EIF2B3: variants seen among roughly 807,000 people sequenced by gnomAD.
The protein encoded by EIF2B3 is eukaryotic translation initiation factor 2B subunit gamma.
EIF2B3 carries 20 observed loss-of-function variants against 54.1 expected under a neutral mutation model. The ratio of observed to expected loss-of-function variants is 0.37; its 90% CI spans 0.26 to 0.54. The LOEUF (loss-of-function observed/expected upper bound fraction) is 0.54, where lower values mean the gene tolerates loss of function less well. Ranked by LOEUF, EIF2B3 falls within the 20% of genes least tolerant of loss-of-function variation. EIF2B3 has a pLI of 0.86. For synonymous variants in EIF2B3, 153 were observed against 188.1 expected, an observed-to-expected ratio of 0.81 and a Z score of 1.52; for missense variants, 448 against 547.8, an observed-to-expected ratio of 0.82 and a Z score of 1.82.
intron 10 of EIF2B3, among the ~76,000 whole-genome samples, chr1:44,860,643 T>C (rs970926325): frequency 3.9e-5 from 6 of 152,200 alleles, no homozygotes; most frequent in Non-Finnish European, 8.8e-5. Flanking sequence ...CATAATGCAA[T>C]ACAAAGAAAT....
At chr1:44,958,769 A>G in intron 3 of EIF2B3, 1 of 1,499,768 alleles carries the variant, frequency 6.7e-7, no homozygotes, top group Non-Finnish European at 9.3e-7. Context: ...CATCAGAGAA[A>G]TATAAAGCTA....
chr1:44,879,765 C>A (rs1207319022), intron 8 of EIF2B3, 53 bp downstream of exon 8: 1 of 1,576,846 alleles, frequency 6.3e-7, no homozygotes, highest in Non-Finnish European at 8.7e-7. Context: ...AGACAAGTGG[C>A]TCAGTCTGTT....
Position 44,977,344 on chromosome 1 carries a change from CT to C in EIF2B3, c.294+970del, listed in dbSNP as rs562371944. Among the ~76,000 whole-genome samples the C allele has an allele frequency of 4.0e-3, 616 of 152,292 alleles. 5 individuals are homozygous for C. The highest frequency in any genetic ancestry group is 0.014 in the African/African-American group (587 of 41,556). The stretch of plus-strand genomic sequence containing the variant: ...GAGGTCTATGAATTTTTGAACGTTC[CT>C]TTGTACTTCTTTCTAGTCAATCCTC... On this transcript the variant is annotated intron_variant, in intron 3 of 11. Transcript: ENST00000360403.
intron 2 of EIF2B3, among the ~76,000 whole-genome samples, chr1:44,980,389 G>A (rs370857357): frequency 6.6e-6 from 1 of 152,018 alleles, no homozygotes; most frequent in East Asian, 1.9e-4. Context: ...ACTTGAACCC[G>A]GGAGAGGTTG....
intron 5 of EIF2B3, among the ~76,000 whole-genome samples, chr1:44,921,844 T>C (rs1464832904): frequency 1.3e-5 from 2 of 151,986 alleles, no homozygotes; most frequent in African/African-American, 2.4e-5. Context: ...TTGTTCTTTT[T>C]GCTTAGGATA....
At chr1:44,963,198 G>A (rs1173217631) in intron 3 of EIF2B3, among the ~76,000 whole-genome samples, 2 of 151,468 alleles carry the variant, frequency 1.3e-5, no homozygotes, top group Non-Finnish European at 2.9e-5. Context: ...CTGGGCAAGA[G>A]TGAGATCTGG....
intron 6 of EIF2B3, among the ~76,000 whole-genome samples, chr1:44,883,557 G>A (rs263956): frequency 6.6e-6 from 1 of 151,930 alleles, no homozygotes; most frequent in Non-Finnish European, 1.5e-5. Flanking sequence ...CAGAGGACTG[G>A]TTTCCACACC....
At chr1:44,890,032 C>T (rs146275864) in intron 6 of EIF2B3, among the ~76,000 whole-genome samples, 3,267 of 152,268 alleles carry the variant, frequency 0.021, 52 homozygotes, top group Non-Finnish European at 0.035. Flanking sequence ...TCAGGGAATA[C>T]GTGGCTCTTT....
At chr1:44,886,301 G>A (rs192110626) in intron 6 of EIF2B3, among the ~76,000 whole-genome samples, 23 of 151,116 alleles carry the variant, frequency 1.5e-4, no homozygotes, top group Admixed American at 9.9e-4. Flanking sequence ...GGCTGGTCTC[G>A]AACTCCTGAC....
intron 3 of EIF2B3, among the ~76,000 whole-genome samples, chr1:44,942,386 T>TACAC (rs1438881715): frequency 0.019 from 210 of 11,086 alleles, 24 homozygotes; most frequent in African/African-American, 0.097. Context: ...TTTATATATA[T>TACAC]ATATATATAT....
chr1:44,972,840 T>C (rs928189632), intron 3 of EIF2B3, among the ~76,000 whole-genome samples: 1 of 152,034 alleles, frequency 6.6e-6, no homozygotes, highest in African/African-American at 2.4e-5. Context: ...CTAATTTTTG[T>C]ATTTTGGGGG....
At chr1:44,898,596 TA>T (rs372079958) in intron 5 of EIF2B3, among the ~76,000 whole-genome samples, 4,808 of 145,590 alleles carry the variant, frequency 0.033, 116 homozygotes, top group Non-Finnish European at 0.042. Context: ...GGAGTATGGT[TA>T]AAAAAAAAAA....
chr1:44,905,925 C>T (rs190978850), intron 5 of EIF2B3, among the ~76,000 whole-genome samples: 130 of 152,308 alleles, frequency 8.5e-4, no homozygotes, highest in African/African-American at 3.0e-3. Context: ...GCTGTTCACC[C>T]TCACCCATCT....
rs924103050 is a variant in EIF2B3, at chr1:44,986,549, G to C, written c.-66C>G. On this transcript the variant is annotated 5_prime_UTR_variant, in exon 1 of 12. Transcript: ENST00000360403. ...GGGCAGAAGTCACAGCTATAACTCAGCTCCCGGCACGCCGCAACCGCTCCC... is the reference window on the plus strand; with the variant it reads ...GGGCAGAAGTCACAGCTATAACTCACCTCCCGGCACGCCGCAACCGCTCCC... The C allele has an allele frequency of 2.0e-5, 3 of 152,608 alleles. No individual in the cohort carries two copies. 9.5% of individuals were successfully genotyped at this position (152,608 alleles called of 1,614,324 possible). A position where few individuals can be genotyped will look rare whatever the true frequency, so the allele number is the denominator to read the frequency against.
intron 4 of EIF2B3, among the ~76,000 whole-genome samples, chr1:44,938,103 T>C (rs894828084): frequency 3.3e-5 from 5 of 151,926 alleles, no homozygotes; most frequent in African/African-American, 9.7e-5. Context: ...TTTGAGGAAG[T>C]TGGGTCTAGA....
intron 4 of EIF2B3, among the ~76,000 whole-genome samples, chr1:44,940,080 CA>C (rs775108576): frequency 1.2e-4 from 19 of 152,106 alleles, no homozygotes; most frequent in Non-Finnish European, 2.4e-4. Flanking sequence ...CATCTGAACA[CA>C]AAAAGCAACT....
chr1:44,918,072 CTTT>C (rs3074632), intron 5 of EIF2B3, among the ~76,000 whole-genome samples: 4 of 88,616 alleles, frequency 4.5e-5, no homozygotes, highest in African/African-American at 1.8e-4. Flanking sequence ...TGTGCCCAGC[CTTT>C]TTTTTTTTTT....
chr1:44,933,197 G>C (rs1308600396), intron 4 of EIF2B3, among the ~76,000 whole-genome samples: 2 of 151,852 alleles, frequency 1.3e-5, no homozygotes, highest in African/African-American at 4.8e-5. Flanking sequence ...CAATCTTTAG[G>C]AAAACAAAAG....
intron 6 of EIF2B3, among the ~76,000 whole-genome samples, chr1:44,889,554 GCTGA>G (rs1655727217): frequency 6.6e-6 from 1 of 150,726 alleles, no homozygotes. Context: ...AAAAAATTAA[GCTGA>G]CTTTTAACCA....
Sources: gnomAD v4.1 joint callset for allele counts (sites outside exome capture counted in the v4.1 genomes callset) on GRCh38, gnomAD v4.1.1 for gene constraint, MANE v1.5 for transcripts, NCBI Gene and HGNC (gene_info 2026-07-23, HGNC 2026-07-21) for gene names.